The following DOCK3 variants were observed in gnomAD, a reference collection of about 807,000 sequenced individuals.
DOCK3 encodes dedicator of cytokinesis 3.
DOCK3 carries 60 observed loss-of-function variants against 265.6 expected under a neutral mutation model. The observed-to-expected ratio is 0.23, with a 90% CI of 0.18 to 0.28. DOCK3 has a LOEUF of 0.28. DOCK3 is among the 10% of genes least tolerant of loss of function. The probability of loss-of-function intolerance (pLI) is 1.00; values close to 1 mark genes in which losing one functional copy is unlikely to be tolerated. For missense variants in DOCK3, 1,981 were observed against 2,594.3 expected, an observed-to-expected ratio of 0.76 and a Z score of 5.14; for synonymous variants, 881 against 938.0, an observed-to-expected ratio of 0.94 and a Z score of 1.11.
intron 29 of DOCK3, 66 bp downstream of exon 29, chr3:51,312,145 C>T (rs2083101193): frequency 1.4e-6 from 2 of 1,417,168 alleles, no homozygotes; most frequent in African/African-American, 1.4e-5. Context: ...ACCAAGCTCA[C>T]TTGTTTTTTG....
At chr3:51,065,686 T>C (rs1308834075) in intron 6 of DOCK3, among the ~76,000 whole-genome samples, 1 of 152,184 alleles carries the variant, frequency 6.6e-6, no homozygotes, top group African/African-American at 2.4e-5. Flanking sequence ...TGGGACTTTC[T>C]TGCAAAACTC....
intron 9 of DOCK3, among the ~76,000 whole-genome samples, chr3:51,094,417 T>G (rs1272491799): frequency 7.2e-5 from 2 of 27,670 alleles, no homozygotes; most frequent in African/African-American, 2.7e-4. Context: ...GTCCAGGAAT[T>G]TATCCATTTT....
intron 21 of DOCK3, among the ~76,000 whole-genome samples, chr3:51,244,047 C>CT (rs1214908075): frequency 6.6e-6 from 1 of 152,174 alleles, no homozygotes; most frequent in African/African-American, 2.4e-5. Context: ...TCTGGCCTAT[C>CT]TTTTCCCATT....
intron 9 of DOCK3, among the ~76,000 whole-genome samples, chr3:51,143,997 G>A (rs965459308): frequency 2.0e-5 from 3 of 152,098 alleles, no homozygotes; most frequent in Non-Finnish European, 4.4e-5. Context: ...CACAGTTTTA[G>A]CTCTTGTATT....
At chr3:51,151,241 A>G (rs1004206002) in intron 10 of DOCK3, among the ~76,000 whole-genome samples, 7 of 151,944 alleles carry the variant, frequency 4.6e-5, no homozygotes, top group African/African-American at 9.7e-5. Context: ...ATACACCACA[A>G]TGATGGGTCT....
intron 7 of DOCK3, 111 bp from the exon 8 acceptor site, chr3:51,089,132 A>G: frequency 2.8e-6 from 3 of 1,085,578 alleles, no homozygotes; most frequent in Middle Eastern, 2.3e-4. Context: ...TCAGAATTAA[A>G]TGAGATCATG....
At position 50,985,117 on chromosome 3, in the gene DOCK3, A is replaced by T. The variant is rs191867320; in HGVS notation, c.315+51040A>T. Among the ~76,000 whole-genome samples the T allele has an allele frequency of 1.6e-4, 25 of 152,364 alleles. No individual in the cohort carries two copies. In the East Asian group the frequency reaches 4.4e-3, roughly 27 times the overall value. ...ATAGAACCACATTATATGTATTTTTATGAGACTTACTTCTTTCACTTTTGT... is the reference window on the plus strand; with the variant it reads ...ATAGAACCACATTATATGTATTTTTTTGAGACTTACTTCTTTCACTTTTGT... On this transcript the variant is annotated intron_variant, in intron 5 of 52. Coordinates refer to ENST00000266037, the MANE Select transcript of DOCK3 (RefSeq NM_004947.5).
rs768454237 is a variant in DOCK3, at chr3:50,942,831, CAT to C, written c.315+8756_315+8757del. Among the ~76,000 whole-genome samples, 21 of 151,908 alleles carry C rather than the reference CAT, an allele frequency of 1.4e-4. 1 individual carries two copies. Among genetic ancestry groups the C allele is most frequent in the Non-Finnish European group, 1.5e-5 (1 of 67,826 alleles). The stretch of plus-strand genomic sequence containing the variant: ...AACTACAAATTTTTTGAAATCTAAA[CAT>C]AGATCAAATATTTGTGATGAAAATT... On this transcript the variant is annotated intron_variant, in intron 5 of 52. Transcript: ENST00000266037.
At chr3:51,363,648 G>A (rs1288715171) in intron 49 of DOCK3, among the ~76,000 whole-genome samples, 1 of 152,094 alleles carries the variant, frequency 6.6e-6, no homozygotes, top group Non-Finnish European at 1.5e-5. Context: ...TCCCCCACCT[G>A]ACAACAGGCC....
chr3:51,211,062 T>G (rs1053373478), intron 13 of DOCK3, among the ~76,000 whole-genome samples: 1 of 152,234 alleles, frequency 6.6e-6, no homozygotes, highest in Admixed American at 6.5e-5. Context: ...AGTTTTCTGT[T>G]TATTTTAAAA....
intron 8 of DOCK3, among the ~76,000 whole-genome samples, chr3:51,089,528 GT>G (rs2109549592): frequency 6.6e-6 from 1 of 152,296 alleles, no homozygotes; most frequent in African/African-American, 2.4e-5. Flanking sequence ...AAATAAAAAT[GT>G]TATTTAGAAT....
intron 14 of DOCK3, among the ~76,000 whole-genome samples, chr3:51,223,572 A>G (rs542420636): frequency 2.5e-3 from 378 of 152,284 alleles, no homozygotes; most frequent in African/African-American, 3.8e-3. Flanking sequence ...AAAAAAATCT[A>G]GACTATTCAC....
At chr3:50,792,532 G>A (rs1350930127) in intron 2 of DOCK3, among the ~76,000 whole-genome samples, 6 of 152,242 alleles carry the variant, frequency 3.9e-5, no homozygotes, top group Admixed American at 3.3e-4. Context: ...GTCTTGTGCC[G>A]GTTTTCAAGG....
chr3:51,313,296 A>G (rs2083195964), intron 31 of DOCK3, among the ~76,000 whole-genome samples: 1 of 152,224 alleles, frequency 6.6e-6, no homozygotes, highest in Non-Finnish European at 1.5e-5. Flanking sequence ...ACATGAGCAA[A>G]GGTGGCTATT....
intron 32 of DOCK3, among the ~76,000 whole-genome samples, chr3:51,316,052 CTA>C (rs1371857023): frequency 3.3e-5 from 5 of 152,126 alleles, no homozygotes; most frequent in Admixed American, 6.5e-5. Context: ...ATTTACAGTT[CTA>C]TGTGTTTTGG....
intron 19 of DOCK3, among the ~76,000 whole-genome samples, chr3:51,230,805 G>A (rs1437471487): frequency 2.0e-5 from 3 of 151,804 alleles, no homozygotes; most frequent in Admixed American, 6.6e-5. Context: ...ATGAGCCACC[G>A]CGCCCGACCT....
chr3:50,766,589 G>A (rs535398870), intron 1 of DOCK3, among the ~76,000 whole-genome samples: 74 of 152,224 alleles, frequency 4.9e-4, no homozygotes, highest in Non-Finnish European at 3.5e-4. Flanking sequence ...ACATATGTGT[G>A]CATGTGTCTT....
chr3:51,190,867 ATGGAGATCACAGAGATCTCTG>A (rs1490391299), intron 12 of DOCK3, among the ~76,000 whole-genome samples: 14 of 152,160 alleles, frequency 9.2e-5, no homozygotes, highest in Non-Finnish European at 1.5e-4. Context: ...ACTGGCCTCT[ATGGAGATCACAGAGATCTCTG>A]TGGAGATCAC....
chr3:51,206,886 C>A (rs1328086559), intron 12 of DOCK3, among the ~76,000 whole-genome samples: 2 of 152,138 alleles, frequency 1.3e-5, no homozygotes, highest in Non-Finnish European at 2.9e-5. Flanking sequence ...TTTATGATTG[C>A]AAAATCTGTA....
Sources: allele counts gnomAD v4.1 joint callset (sites outside exome capture counted in the v4.1 genomes callset), GRCh38; gene constraint gnomAD v4.1.1; transcripts MANE v1.5; gene names NCBI Gene and HGNC (gene_info 2026-07-23, HGNC 2026-07-21).